The following BMPR1A variants were observed in gnomAD, a reference collection of about 807,000 sequenced individuals.
The protein encoded by BMPR1A is bone morphogenetic protein receptor type 1A.
In BMPR1A, 7 loss-of-function variants were observed where a neutral mutation model predicts 66.0. The observed-to-expected ratio is 0.11, with a 90% CI of 0.06 to 0.20. BMPR1A has a LOEUF of 0.20. Among genes scored for constraint, BMPR1A ranks in the 10% least tolerant of loss-of-function variants. The pLI is 1.00. For missense variants in BMPR1A, 408 were observed against 669.1 expected, an observed-to-expected ratio of 0.61 and a Z score of 4.31; for synonymous variants, 200 against 229.7, an observed-to-expected ratio of 0.87 and a Z score of 1.17.
intron 1 of BMPR1A, among the ~76,000 whole-genome samples, chr10:86,837,539 C>T (rs1392711352): frequency 1.3e-5 from 2 of 152,104 alleles, no homozygotes; most frequent in Non-Finnish European, 2.9e-5. Flanking sequence ...CTCTTTATGC[C>T]ATTTCTAAAA....
chr10:86,909,072 G>A (rs945830640), intron 7 of BMPR1A, among the ~76,000 whole-genome samples: 2 of 152,302 alleles, frequency 1.3e-5, no homozygotes, highest in Non-Finnish European at 1.5e-5. Flanking sequence ...GTTATACAGC[G>A]AGGGCCTTGT....
At chr10:86,846,536 C>T (rs1842486880) in intron 2 of BMPR1A, among the ~76,000 whole-genome samples, 1 of 152,050 alleles carries the variant, frequency 6.6e-6, no homozygotes, top group South Asian at 2.1e-4. Context: ...CTTTTTGGAC[C>T]CTTTTAATAC....
At chr10:86,849,094 C>T (rs570890905) in intron 2 of BMPR1A, among the ~76,000 whole-genome samples, 1 of 152,188 alleles carries the variant, frequency 6.6e-6, no homozygotes, top group Non-Finnish European at 1.5e-5. Context: ...AGTGATTTCT[C>T]CTTGTCTGCT....
chr10:86,775,558 G>T (rs1841333230), intron 1 of BMPR1A, among the ~76,000 whole-genome samples: 1 of 152,100 alleles, frequency 6.6e-6, no homozygotes, highest in African/African-American at 2.4e-5. Context: ...CTGAGAGAAT[G>T]TATCACTGAG....
At chr10:86,829,428 C>G (rs1384397078) in intron 1 of BMPR1A, among the ~76,000 whole-genome samples, 1 of 152,046 alleles carries the variant, frequency 6.6e-6, no homozygotes, top group Non-Finnish European at 1.5e-5. Flanking sequence ...TTAATGGTAA[C>G]TTCTTACTAC....
intron 1 of BMPR1A, among the ~76,000 whole-genome samples, chr10:86,797,731 T>G (rs532934846): frequency 1.3e-5 from 2 of 152,144 alleles, no homozygotes; most frequent in African/African-American, 4.8e-5. Flanking sequence ...GCTTTTCTTC[T>G]GTACTTCTGT....
intron 1 of BMPR1A, among the ~76,000 whole-genome samples, chr10:86,768,213 A>G (rs1444594620): frequency 6.6e-6 from 1 of 152,198 alleles, no homozygotes; most frequent in Admixed American, 6.5e-5. Context: ...TTCTGGCTGT[A>G]AGGGCAAGGG....
At chr10:86,805,457 T>C (rs1841876598) in intron 1 of BMPR1A, among the ~76,000 whole-genome samples, 1 of 135,782 alleles carries the variant, frequency 7.4e-6, no homozygotes, top group South Asian at 2.5e-4. Context: ...ACTATTTCAG[T>C]TTCCTTTTTT....
In BMPR1A at chr10:86,908,457, G is replaced by A. The variant is rs188513331; in HGVS notation, c.531-3783G>A. Among the ~76,000 whole-genome samples, 27 of 152,294 alleles carry A rather than the reference G, an allele frequency of 1.8e-4. 1 individual carries two copies. The East Asian group carries it at 5.0e-3, about 28-fold the overall frequency. ...TGTTCAGTCTAGTACGAGTCGATTTGGGTTAGGGTTTTGTTCAGTGTTTGG... is the reference window on the plus strand; with the variant it reads ...TGTTCAGTCTAGTACGAGTCGATTTAGGTTAGGGTTTTGTTCAGTGTTTGG... On this transcript the variant is annotated intron_variant, in intron 7 of 12. Transcript: ENST00000372037.
At chr10:86,814,249 C>G (rs1382332958) in intron 1 of BMPR1A, among the ~76,000 whole-genome samples, 1 of 152,126 alleles carries the variant, frequency 6.6e-6, no homozygotes, top group Non-Finnish European at 1.5e-5. Context: ...ATCCTCTCGC[C>G]TCAGCTTCCC....
intron 5 of BMPR1A, among the ~76,000 whole-genome samples, chr10:86,899,251 G>A (rs145562024): frequency 6.6e-6 from 1 of 152,186 alleles, no homozygotes; most frequent in Non-Finnish European, 1.5e-5. Flanking sequence ...TGCTCTCTTA[G>A]GGACAGTCTC....
At chr10:86,873,907 A>G (rs1394224280) in intron 2 of BMPR1A, among the ~76,000 whole-genome samples, 2 of 152,232 alleles carry the variant, frequency 1.3e-5, no homozygotes, top group Non-Finnish European at 2.9e-5. Flanking sequence ...TTTTAGAACT[A>G]AGCTACATAT....
At chr10:86,781,561 A>G (rs1010791453) in intron 1 of BMPR1A, among the ~76,000 whole-genome samples, 2 of 152,212 alleles carry the variant, frequency 1.3e-5, no homozygotes, top group Middle Eastern at 6.8e-3. Flanking sequence ...GAAGAATGTC[A>G]TTGGTATTTT....
intron 1 of BMPR1A, among the ~76,000 whole-genome samples, chr10:86,809,477 C>T (rs936406975): frequency 6.6e-6 from 1 of 151,656 alleles, no homozygotes; most frequent in Non-Finnish European, 1.5e-5. Context: ...TTTATTTTGC[C>T]GAGATGCGGT....
At chr10:86,860,041 G>A (rs933469917) in intron 2 of BMPR1A, among the ~76,000 whole-genome samples, 4 of 152,070 alleles carry the variant, frequency 2.6e-5, no homozygotes, top group African/African-American at 9.7e-5. Context: ...GTGCACTGTG[G>A]CATGCACCTG....
intron 1 of BMPR1A, among the ~76,000 whole-genome samples, chr10:86,786,813 C>T (rs1393226631): frequency 6.6e-6 from 1 of 152,196 alleles, no homozygotes; most frequent in East Asian, 1.9e-4. Context: ...TATTCTTCCT[C>T]CAGTAACTTA....
intron 1 of BMPR1A, among the ~76,000 whole-genome samples, chr10:86,818,190 T>G (rs886973026): frequency 6.6e-6 from 1 of 152,180 alleles, no homozygotes; most frequent in African/African-American, 2.4e-5. Context: ...GGCTAATTTT[T>G]GTACTTTTAG....
intron 1 of BMPR1A, among the ~76,000 whole-genome samples, chr10:86,835,588 A>AAAAAAG (rs1842334954): frequency 7.5e-6 from 1 of 133,412 alleles, no homozygotes; most frequent in Non-Finnish European, 1.6e-5. Context: ...AAAAAAAAAA[A>AAAAAAG]GGTGTTTTGG....
chr10:86,757,332 G>A (rs939026905), intron 1 of BMPR1A, among the ~76,000 whole-genome samples: 1 of 152,174 alleles, frequency 6.6e-6, no homozygotes, highest in Non-Finnish European at 1.5e-5. Flanking sequence ...AGTTTCGGGC[G>A]GGGGTCGAGT....
Sources: allele counts gnomAD v4.1 joint callset (sites outside exome capture counted in the v4.1 genomes callset), GRCh38; gene constraint gnomAD v4.1.1; transcripts MANE v1.5; gene names NCBI Gene and HGNC (gene_info 2026-07-23, HGNC 2026-07-21).